Variants in XPNPEP2 observed in about 807,000 individuals in gnomAD.
The protein encoded by XPNPEP2 is X-prolyl aminopeptidase 2.
Under a neutral mutation model 59.8 loss-of-function variants are expected in XPNPEP2, and 64 were observed. The ratio of observed to expected loss-of-function variants is 1.07; its 90% CI spans 0.87 to 1.32. XPNPEP2 has a LOEUF of 1.32. Among genes scored for constraint, XPNPEP2 ranks in the 40% most tolerant of loss-of-function variants. XPNPEP2 has a pLI of 0.00. For missense variants in XPNPEP2, 575 were observed against 546.8 expected, an observed-to-expected ratio of 1.05 and a Z score of -0.51; for synonymous variants, 235 against 210.0, an observed-to-expected ratio of 1.12 and a Z score of -1.03.
chrX:129,755,579 G>C (rs1014586738), intron 13 of XPNPEP2, among the ~76,000 whole-genome samples: 1 of 111,944 alleles, frequency 8.9e-6, no homozygotes, highest in African/African-American at 3.3e-5. Flanking sequence ...GAGGCTGGGG[G>C]ACCTGGAAGG....
chrX:129,741,979 A>G (rs1926190827), intron 1 of XPNPEP2, 129 bp from the exon 2 acceptor site: 2 of 543,020 alleles, frequency 3.7e-6, no homozygotes, highest in Non-Finnish European at 6.2e-6. Flanking sequence ...TTTATCCTCA[A>G]GTAGAGCTGG....
At chrX:129,745,360 C>T in intron 4 of XPNPEP2, 94 bp downstream of exon 4, 1 of 1,007,005 alleles carries the variant, frequency 9.9e-7, no homozygotes, top group Non-Finnish European at 1.4e-6. Flanking sequence ...CATCTGGGAC[C>T]CCAGAACCTA....
chrX:129,740,290 G>A (rs1019721824), intron 1 of XPNPEP2, among the ~76,000 whole-genome samples: 7 of 112,445 alleles, frequency 6.2e-5, no homozygotes, highest in African/African-American at 2.3e-4. Flanking sequence ...GACGTTCATG[G>A]TGTTGAACCC....
intron 3 of XPNPEP2, 94 bp from the exon 4 acceptor site, chrX:129,745,109 C>T (rs1012606731): frequency 6.3e-5 from 67 of 1,060,179 alleles, no homozygotes; most frequent in South Asian, 3.7e-4. Context: ...GGGTTGGAGC[C>T]GACAGACAGA....
At chrX:129,748,783 G>T (rs759884199) in intron 7 of XPNPEP2, among the ~76,000 whole-genome samples, 1 of 111,475 alleles carries the variant, frequency 9.0e-6, no homozygotes, top group South Asian at 3.8e-4. Flanking sequence ...GTCGGGAAGG[G>T]GAAGGGAAAA....
In XPNPEP2 at chrX:129,752,207, T is replaced by C; in HGVS notation, c.879T>C (p.Ser293=). ...SSETLSYLNS[S]CTGPMCVQIE... is the part of the protein sequence containing the mutation. ...AAACCTTGAGCTATCTGAACTCCAG[T>C]TGCACAGGCCCCATGTGTGTGCAAA... Residue 293 remains serine (S), a synonymous_variant, in exon 10 of 21, where the codon AGT becomes AGC. Coordinates refer to ENST00000371106, the MANE Select transcript of XPNPEP2 (RefSeq NM_003399.6). 8.3e-7 allele frequency: 1 copy of C among 1,211,758 alleles called. No individual in the cohort carries two copies. The highest frequency in any genetic ancestry group is 1.1e-6 in the Non-Finnish European group (1 of 895,443).
chrX:129,757,876 A>AGG (rs1194332809), intron 14 of XPNPEP2, among the ~76,000 whole-genome samples: 29 of 42,878 alleles, frequency 6.8e-4, no homozygotes, highest in African/African-American at 4.0e-3. Flanking sequence ...AGAGAGAAAG[A>AGG]GAGAGAGAGA....
chrX:129,746,026 A>C lies in XPNPEP2; in HGVS notation c.299-210A>C, dbSNP rs955400365. On this transcript the variant is annotated intron_variant, in intron 4 of 20. Coordinates refer to ENST00000371106, the MANE Select transcript of XPNPEP2 (RefSeq NM_003399.6). ...CCACAAGCAGCCCTCAACACAAAGC[A>C]GAGGTGCCTGATTCAGGACACCTTT... 4.5e-5 allele frequency among the ~76,000 whole-genome samples: 5 copies of C among 111,807 alleles called. No individual in the cohort carries two copies. In the Admixed American group the frequency reaches 4.7e-4, roughly 11 times the overall value.
chrX:129,753,340 C>A, intron 11 of XPNPEP2, 92 bp downstream of exon 11: 1 of 889,998 alleles, frequency 1.1e-6, no homozygotes, highest in East Asian at 3.1e-5. Flanking sequence ...TGAAGAAGAC[C>A]CTCAATGAAA....
At chrX:129,745,403 C>G in intron 4 of XPNPEP2, 137 bp downstream of exon 4, 1 of 646,207 alleles carries the variant, frequency 1.5e-6, no homozygotes, top group South Asian at 2.7e-5. Context: ...CTCTCTGTCT[C>G]CCTCCACCAC....
intron 11 of XPNPEP2, among the ~76,000 whole-genome samples, chrX:129,753,988 TCA>T (rs756937454): frequency 4.4e-5 from 5 of 112,601 alleles, no homozygotes; most frequent in Admixed American, 2.8e-4. Flanking sequence ...AATGATTTCC[TCA>T]CACTGGCAAG....
Position 129,739,104 on chromosome X carries a change from A to G in XPNPEP2, c.-110A>G, listed in dbSNP as rs779689800. The G allele has an allele frequency of 4.2e-4, 341 of 802,477 alleles. No individual in the cohort carries two copies. In the African/African-American group the frequency reaches 5.9e-3, roughly 14 times the overall value. 66.1% of individuals were successfully genotyped at this position (802,477 alleles called of 1,213,427 possible). On this transcript the variant is annotated 5_prime_UTR_variant, in exon 1 of 21. Transcript: ENST00000371106. Reference sequence around the variant, plus strand: ...CGCCTCCTTCTTGACGCCAGCCCCCACCCTCTGTCTGCTCGAGCCCAGGAA... The same window carrying G: ...CGCCTCCTTCTTGACGCCAGCCCCCGCCCTCTGTCTGCTCGAGCCCAGGAA...
intron 15 of XPNPEP2, 120 bp from the exon 16 acceptor site, chrX:129,760,392 C>A: frequency 1.4e-6 from 1 of 734,005 alleles, no homozygotes; most frequent in Non-Finnish European, 2.0e-6. Context: ...GAGACTCCCC[C>A]CACCCTGCCT....
intron 14 of XPNPEP2, among the ~76,000 whole-genome samples, chrX:129,757,663 G>C (rs972926967): frequency 3.8e-5 from 4 of 106,514 alleles, no homozygotes; most frequent in Non-Finnish European, 7.7e-5. Flanking sequence ...AAAATTTTCC[G>C]GGTGTGGTGG....
chrX:129,739,834 T>C (rs1926140595), intron 1 of XPNPEP2, among the ~76,000 whole-genome samples: 2 of 112,640 alleles, frequency 1.8e-5, no homozygotes, highest in Non-Finnish European at 3.8e-5. Flanking sequence ...AGAAGAGGCT[T>C]TGGGGGAGCC....
Position 129,744,009 on chromosome X carries a change from C to T in XPNPEP2, c.172C>T (p.Arg58Cys), listed in dbSNP as rs778659869. ...VNTTMSLTAL[R>C]QQMQTQNLSA... is the part of the protein sequence containing the mutation. ...TACCACAATGTCACTCACAGCCCTCCGCCAGCAGATGCAGACCCAGAATCT... is the reference window on the plus strand; with the variant it reads ...TACCACAATGTCACTCACAGCCCTCTGCCAGCAGATGCAGACCCAGAATCT... Residue 58 changes from arginine to cysteine, a missense_variant, in exon 3 of 21, where the codon CGC (arginine) becomes TGC (cysteine). Physicochemically the swap from Arg to Cys is radical, Grantham distance 180. Coordinates refer to ENST00000371106, the MANE Select transcript of XPNPEP2 (RefSeq NM_003399.6). The T allele has an allele frequency of 1.7e-5, 21 of 1,210,355 alleles. No individual in the cohort carries two copies. The highest frequency in any genetic ancestry group is 3.5e-5 in the African/African-American group (2 of 57,223).
intron 4 of XPNPEP2, among the ~76,000 whole-genome samples, chrX:129,745,880 C>G (rs949681022): frequency 2.7e-5 from 3 of 111,411 alleles, no homozygotes; most frequent in Non-Finnish European, 5.7e-5. Context: ...TCTTGCCCAG[C>G]AGTCCTCAGC....
intron 19 of XPNPEP2, among the ~76,000 whole-genome samples, chrX:129,763,622 G>A (rs1186743512): frequency 4.5e-5 from 5 of 111,474 alleles, no homozygotes; most frequent in Non-Finnish European, 7.5e-5. Flanking sequence ...GCAGTGAGCT[G>A]TGACCACGCC....
Position 129,753,953 on chromosome X carries a change from T to A in XPNPEP2, c.1108-519T>A, listed in dbSNP as rs758984735. ...GCTCTGAGCACCACCTAGCACATTC[T>A]AAGTGTTAAATAAGTGTTAGCTATA... On this transcript the variant is annotated intron_variant, in intron 11 of 20. Coordinates refer to ENST00000371106, the MANE Select transcript of XPNPEP2 (RefSeq NM_003399.6). Among the ~76,000 whole-genome samples, 20 of 112,422 alleles carry A rather than the reference T, an allele frequency of 1.8e-4. No homozygotes were observed. In the East Asian group the frequency reaches 4.4e-3, roughly 25 times the overall value.
Sources: allele counts gnomAD v4.1 joint callset (sites outside exome capture counted in the v4.1 genomes callset), GRCh38; gene constraint gnomAD v4.1.1; transcripts MANE v1.5; gene names NCBI Gene and HGNC (gene_info 2026-07-23, HGNC 2026-07-21).